The following CHRM3 variants were observed in gnomAD, a reference collection of about 807,000 sequenced individuals.
CHRM3 encodes muscarinic acetylcholine receptor M3.
In CHRM3, 11 loss-of-function variants were observed where a neutral mutation model predicts 41.8. That is an observed-to-expected ratio of 0.26 (90% confidence interval 0.17 to 0.44). The LOEUF is 0.44. CHRM3 is among the 20% of genes least tolerant of loss of function. The pLI, the probability that CHRM3 is intolerant of heterozygous loss-of-function variation, is 1.00. For synonymous variants in CHRM3, 297 were observed against 301.4 expected (o/e 0.99, Z 0.15); for missense variants, 571 against 745.4 (o/e 0.77, Z 2.72).
At chr1:239,591,438 T>G (rs2148640046) in intron 3 of CHRM3, among the ~76,000 whole-genome samples, 1 of 152,302 alleles carries the variant, frequency 6.6e-6, no homozygotes, top group East Asian at 1.9e-4. Context: ...TCACCTGCGC[T>G]TTTGTCTCTT....
At chr1:239,619,991 T>C (rs1399091450) in intron 3 of CHRM3, among the ~76,000 whole-genome samples, 1 of 152,216 alleles carries the variant, frequency 6.6e-6, no homozygotes, top group Non-Finnish European at 1.5e-5. Context: ...TTTAAAGATA[T>C]TATTTATAAA....
chr1:239,760,269 A>T (rs1666645039), intron 5 of CHRM3, among the ~76,000 whole-genome samples: 1 of 151,898 alleles, frequency 6.6e-6, no homozygotes, highest in African/African-American at 2.4e-5. Context: ...TTCTCTCGAG[A>T]ATTTGTCTCC....
chr1:239,881,280 C>CAG (rs1677601713), intron 6 of CHRM3, among the ~76,000 whole-genome samples: 5 of 834 alleles, frequency 6.0e-3, no homozygotes, highest in Non-Finnish European at 0.014. Flanking sequence ...GAGACTCCGT[C>CAG]TCAAAAAAAA....
chr1:239,675,866 G>A (rs1571947292), intron 4 of CHRM3, among the ~76,000 whole-genome samples: 1 of 152,034 alleles, frequency 6.6e-6, no homozygotes, highest in East Asian at 1.9e-4. Flanking sequence ...AACATGGGAG[G>A]GAGGGAAAAG....
intron 3 of CHRM3, among the ~76,000 whole-genome samples, chr1:239,585,890 T>G (rs542210580): frequency 6.6e-6 from 1 of 152,324 alleles, no homozygotes; most frequent in African/African-American, 2.4e-5. Flanking sequence ...TTGCTTCAAC[T>G]AAAAAAGATT....
At chr1:239,623,152 T>C (rs1298650446) in intron 3 of CHRM3, among the ~76,000 whole-genome samples, 1 of 152,138 alleles carries the variant, frequency 6.6e-6, no homozygotes, top group African/African-American at 2.4e-5. Context: ...TTAGGGTACA[T>C]GTGCACAACG....
intron 5 of CHRM3, among the ~76,000 whole-genome samples, chr1:239,788,364 G>A (rs75671637): frequency 6.6e-6 from 1 of 152,040 alleles, no homozygotes; most frequent in East Asian, 1.9e-4. Context: ...GATTTTTTTT[G>A]CATGTTGTAT....
chr1:239,481,471 T>G (rs1666849331), intron 1 of CHRM3, among the ~76,000 whole-genome samples: 1 of 152,240 alleles, frequency 6.6e-6, no homozygotes, highest in African/African-American at 2.4e-5. Flanking sequence ...TTTTGCTGAT[T>G]TATTGCACAA....
In CHRM3 at chr1:239,909,173, G is replaced by A. The variant is rs780473861; in HGVS notation, c.1722G>A (p.Gln574=). ...AAAAGAGGCGCAAGCAGCAGTACCAGCAGAGACAGTCGGTCATTTTTCACA... is the reference window on the plus strand; with the variant it reads ...AAAAGAGGCGCAAGCAGCAGTACCAACAGAGACAGTCGGTCATTTTTCACA... The part of the protein sequence containing the change: ...DKKKRRKQQY[Q]QRQSVIFHKR... The change falls in exon 7 of 7, where the codon CAG becomes CAA. Residue 574 remains glutamine (Q), a synonymous_variant. Coordinates refer to ENST00000676153, the MANE Select transcript of CHRM3 (RefSeq NM_001375978.1). 2.5e-6 allele frequency: 4 copies of A among 1,613,716 alleles called. No individual in the cohort carries two copies. The highest frequency in any genetic ancestry group is 2.7e-5 in the African/African-American group (2 of 75,018).
At chr1:239,855,182 G>A (rs1052824817) in intron 6 of CHRM3, among the ~76,000 whole-genome samples, 1 of 152,132 alleles carries the variant, frequency 6.6e-6, no homozygotes, top group East Asian at 1.9e-4. Context: ...GAGTGTCCCT[G>A]TAATAAATCA....
chr1:239,560,599 T>C (rs148284097), intron 3 of CHRM3, among the ~76,000 whole-genome samples: 401 of 152,292 alleles, frequency 2.6e-3, no homozygotes, highest in Non-Finnish European at 4.5e-3. Context: ...ATCGTATGAA[T>C]GTACCAAAAT....
chr1:239,684,268 A>G (rs1469723339), intron 5 of CHRM3, among the ~76,000 whole-genome samples: 2 of 152,162 alleles, frequency 1.3e-5, no homozygotes, highest in African/African-American at 4.8e-5. Flanking sequence ...CCTAACAGGT[A>G]TTGATGCAGA....
chr1:239,782,405 C>T (rs1269006259), intron 5 of CHRM3, among the ~76,000 whole-genome samples: 3 of 152,060 alleles, frequency 2.0e-5, no homozygotes, highest in African/African-American at 7.2e-5. Context: ...AACATGTGTT[C>T]ATAATGTTCC....
Position 239,401,938 on chromosome 1 carries a change from T to C in CHRM3, c.-521+14711T>C, listed in dbSNP as rs1366427713. Among the ~76,000 whole-genome samples, 3 of 152,206 alleles carry C rather than the reference T, an allele frequency of 2.0e-5. No individual in the cohort carries two copies. In the East Asian group the frequency reaches 5.8e-4, roughly 29 times the overall value. On this transcript the variant is annotated intron_variant, in intron 1 of 6. Coordinates refer to ENST00000676153, the MANE Select transcript of CHRM3 (RefSeq NM_001375978.1). ...CTGACTCCATGTCTAAGTTTCTATG[T>C]AGACTCCTGCTAAGTCACTGCCTGG...
intron 3 of CHRM3, among the ~76,000 whole-genome samples, chr1:239,619,772 A>G (rs187395669): frequency 4.6e-5 from 7 of 151,758 alleles, no homozygotes; most frequent in Non-Finnish European, 1.0e-4. Flanking sequence ...AATAAGAACT[A>G]CTTATCCCTA....
chr1:239,905,220 G>A (rs17658129), intron 6 of CHRM3, among the ~76,000 whole-genome samples: 3,070 of 152,270 alleles, frequency 0.02, 42 homozygotes, highest in Non-Finnish European at 0.033. Context: ...GGAGGTGCTA[G>A]TTGTATAGGA....
intron 5 of CHRM3, among the ~76,000 whole-genome samples, chr1:239,806,340 C>T (rs1670639346): frequency 6.6e-6 from 1 of 151,920 alleles, no homozygotes. Flanking sequence ...TTACACAACA[C>T]ACACACACAC....
At chr1:239,391,534 T>TC (rs1374574458) in intron 1 of CHRM3, among the ~76,000 whole-genome samples, 4 of 152,288 alleles carry the variant, frequency 2.6e-5, no homozygotes, top group African/African-American at 9.6e-5. Flanking sequence ...ATCTGCATTC[T>TC]CCCACCTGTT....
chr1:239,431,077 G>A (rs552788669), intron 1 of CHRM3, among the ~76,000 whole-genome samples: 1 of 152,084 alleles, frequency 6.6e-6, no homozygotes, highest in South Asian at 2.1e-4. Context: ...CTGTGAATGA[G>A]TGGAAAGGAC....
Sources: gnomAD v4.1 joint callset for allele counts (sites outside exome capture counted in the v4.1 genomes callset) on GRCh38, gnomAD v4.1.1 for gene constraint, MANE v1.5 for transcripts, NCBI Gene and HGNC (gene_info 2026-07-23, HGNC 2026-07-21) for gene names.